SCNN1B: variants seen among roughly 807,000 people sequenced by gnomAD.
SCNN1B encodes the protein sodium channel epithelial 1 subunit beta.
In SCNN1B, 46 loss-of-function variants were observed where a neutral mutation model predicts 65.3. That is an observed-to-expected ratio of 0.70 (90% confidence interval 0.56 to 0.90). The LOEUF (loss-of-function observed/expected upper bound fraction) is 0.90. SCNN1B is among the 40% of genes least tolerant of loss of function. The probability of loss-of-function intolerance (pLI) is 0.00; values close to 1 mark genes in which losing one functional copy is unlikely to be tolerated. For missense variants in SCNN1B, 751 were observed against 830.5 expected, an observed-to-expected ratio of 0.90 and a Z score of 1.18; for synonymous variants, 349 against 330.6, an observed-to-expected ratio of 1.06 and a Z score of -0.60.
intron 1 of SCNN1B, among the ~76,000 whole-genome samples, chr16:23,305,543 TATATATA>T (rs1961182542): frequency 3.4e-5 from 1 of 29,650 alleles, no homozygotes; most frequent in Non-Finnish European, 4.9e-5. Context: ...ATTATATATA[TATATATA>T]TATATATATA....
chr16:23,285,030 G>A (rs1218355375), intron 2 of SCNN1B, among the ~76,000 whole-genome samples: 5 of 152,100 alleles, frequency 3.3e-5, no homozygotes, highest in Non-Finnish European at 1.5e-5. Flanking sequence ...CCATTTTTTA[G>A]TATCAAAAAG....
chr16:23,361,619 A>G (rs994256098), intron 4 of SCNN1B, among the ~76,000 whole-genome samples: 2 of 152,208 alleles, frequency 1.3e-5, no homozygotes, highest in African/African-American at 4.8e-5. Flanking sequence ...TCTCTTGCTT[A>G]AATTCTTCTA....
At chr16:23,286,704 G>T (rs1322990669) in intron 2 of SCNN1B, among the ~76,000 whole-genome samples, 1 of 152,160 alleles carries the variant, frequency 6.6e-6, no homozygotes, top group Non-Finnish European at 1.5e-5. Context: ...GCAAGACAAT[G>T]GTCCTAGTTG....
At chr16:23,345,359 A>C (rs1962164300) in intron 1 of SCNN1B, among the ~76,000 whole-genome samples, 1 of 152,242 alleles carries the variant, frequency 6.6e-6, no homozygotes, top group Non-Finnish European at 1.5e-5. Flanking sequence ...TATGGGTGCA[A>C]ATGGCAGGCA....
At chr16:23,338,616 C>T (rs974157689) in intron 1 of SCNN1B, among the ~76,000 whole-genome samples, 1 of 152,088 alleles carries the variant, frequency 6.6e-6, no homozygotes, top group Non-Finnish European at 1.5e-5. Flanking sequence ...TCCACATGAG[C>T]CAGAGCAGCT....
intron 1 of SCNN1B, among the ~76,000 whole-genome samples, chr16:23,330,808 G>A (rs755901458): frequency 6.6e-5 from 10 of 152,100 alleles, no homozygotes; most frequent in Non-Finnish European, 1.3e-4. Flanking sequence ...GGCCTCAAGC[G>A]ATCCTCCTGC....
chr16:23,330,236 C>T (rs1467419077), intron 1 of SCNN1B, among the ~76,000 whole-genome samples: 1 of 152,154 alleles, frequency 6.6e-6, no homozygotes, highest in Admixed American at 6.5e-5. Flanking sequence ...GGCTGGACTT[C>T]CAGCTCTTGT....
rs1961834141 is a variant in SCNN1B, at chr16:23,332,475, G to A, written c.-8-16117G>A. Among the ~76,000 whole-genome samples, 4 of 152,224 alleles carry A rather than the reference G, an allele frequency of 2.6e-5. No individual in the cohort carries two copies. The South Asian group carries it at 8.3e-4, about 32-fold the overall frequency. On this transcript the variant is annotated intron_variant, in intron 1 of 12. Transcript: ENST00000343070. ...GCCTCCCAAAGTGCTGGGATTACAG[G>A]AGTAAAGCACAGCACCCGGCCTCGT...
chr16:23,359,226 A>G (rs1401245900), intron 4 of SCNN1B: 1 of 152,008 alleles, frequency 6.6e-6, no homozygotes, highest in Non-Finnish European at 1.5e-5. Context: ...AGCCTTCCCC[A>G]TCATTTTATA....
At chr16:23,364,747 T>G (rs1962614526) in intron 4 of SCNN1B, among the ~76,000 whole-genome samples, 1 of 152,250 alleles carries the variant, frequency 6.6e-6, no homozygotes, top group East Asian at 1.9e-4. Context: ...TCTCAGCACT[T>G]TGGGAGGCTG....
chr16:23,284,950 A>C (rs1960830056), intron 2 of SCNN1B, among the ~76,000 whole-genome samples: 1 of 152,212 alleles, frequency 6.6e-6, no homozygotes, highest in African/African-American at 2.4e-5. Flanking sequence ...ATCAAAGACT[A>C]TGCGAGTTCA....
At chr16:23,327,253 TG>T in intron 1 of SCNN1B, among the ~76,000 whole-genome samples, 1 of 151,968 alleles carries the variant, frequency 6.6e-6, no homozygotes, top group South Asian at 2.1e-4. Flanking sequence ...AATAATTGGC[TG>T]GGAATGGTGG....
chr16:23,308,355 T>C (rs1961265349), intron 1 of SCNN1B, among the ~76,000 whole-genome samples: 1 of 152,110 alleles, frequency 6.6e-6, no homozygotes, highest in Non-Finnish European at 1.5e-5. Flanking sequence ...AGACTCCATC[T>C]CTGTACAAAA....
chr16:23,355,813 T>C (rs1962408910), intron 4 of SCNN1B, among the ~76,000 whole-genome samples: 1 of 151,722 alleles, frequency 6.6e-6, no homozygotes, highest in Non-Finnish European at 1.5e-5. Context: ...CTGGGCGTGG[T>C]GGGTGGGTGG....
chr16:23,312,425 G>A (rs1961364446), intron 1 of SCNN1B, among the ~76,000 whole-genome samples: 1 of 152,098 alleles, frequency 6.6e-6, no homozygotes, highest in South Asian at 2.1e-4. Flanking sequence ...ACCAGTCCAT[G>A]GGATAACTTG....
chr16:23,332,956 G>A (rs1216500966), intron 1 of SCNN1B, among the ~76,000 whole-genome samples: 1 of 152,108 alleles, frequency 6.6e-6, no homozygotes. Context: ...TGTAATCCCA[G>A]CTTACTCGGG....
chr16:23,380,202 T>C lies in SCNN1B; in HGVS notation c.1542+33T>C. ...TAGGAGTCTCCCAATACCCCAGCCCTGCCCTGCCCTGACCCCTGCACCCTG... is the reference window on the plus strand; with the variant it reads ...TAGGAGTCTCCCAATACCCCAGCCCCGCCCTGCCCTGACCCCTGCACCCTG... On this transcript the variant is annotated intron_variant, in intron 12 of 12. Coordinates refer to ENST00000343070, the MANE Select transcript of SCNN1B (RefSeq NM_000336.3). The surrounding 1 kb of genome is among the most constrained non-coding windows in gnomAD (Gnocchi z 5.4). The C allele has an allele frequency of 1.9e-6, 3 of 1,575,426 alleles. No individual in the cohort carries two copies. Among genetic ancestry groups the C allele is most frequent in the Non-Finnish European group, 2.6e-6 (3 of 1,144,934 alleles).
At chr16:23,298,486 C>T (rs576509189), upstream of SCNN1B, among the ~76,000 whole-genome samples, 14 of 152,266 alleles carry the variant, frequency 9.2e-5, no homozygotes, top group African/African-American at 2.6e-4. Context: ...AGAAAATGGG[C>T]GGTAACTTCC....
chr16:23,380,315 AC>A lies in SCNN1B; in HGVS notation c.1543-101del. On this transcript the variant is annotated intron_variant, in intron 12 of 12. Coordinates refer to ENST00000343070, the MANE Select transcript of SCNN1B (RefSeq NM_000336.3). This position sits in a 1 kb window ranked among gnomAD's most constrained non-coding sequence, Gnocchi z 5.4. ...GTTATTCCCCTGGGCCAAGATGGTC[AC>A]CCCCTCCCGTTCCCACCCAAGAATC... 6.3e-7 allele frequency: 1 copy of A among 1,575,422 alleles called. No individual in the cohort carries two copies. Among genetic ancestry groups the A allele is most frequent in the Non-Finnish European group, 8.7e-7 (1 of 1,148,014 alleles).
Sources: gnomAD v4.1 joint callset for allele counts (sites outside exome capture counted in the v4.1 genomes callset) on GRCh38, gnomAD v4.1.1 for gene constraint, Gnocchi (gnomAD v3.1) non-coding constraint, MANE v1.5 for transcripts, NCBI Gene and HGNC (gene_info 2026-07-23, HGNC 2026-07-21) for gene names.